LMBR1: variants seen among roughly 807,000 people sequenced by gnomAD.
The protein encoded by LMBR1 is limb region 1 protein homolog.
In LMBR1, 52 loss-of-function variants were observed where a neutral mutation model predicts 73.9. The ratio of observed to expected loss-of-function variants is 0.70; its 90% confidence interval spans 0.56 to 0.89. The LOEUF (loss-of-function observed/expected upper bound fraction) is 0.89. Among genes scored for constraint, LMBR1 ranks in the 40% least tolerant of loss-of-function variants. The probability of loss-of-function intolerance (pLI) is 0.00; values close to 1 mark genes in which losing one functional copy is unlikely to be tolerated. For missense variants in LMBR1, 539 were observed against 579.8 expected (o/e 0.93, Z 0.72); for synonymous variants, 215 against 209.4 (o/e 1.03, Z -0.23).
chr7:156,752,038 T>C (rs982051386), intron 9 of LMBR1, among the ~76,000 whole-genome samples: 1 of 152,034 alleles, frequency 6.6e-6, no homozygotes, highest in Non-Finnish European at 1.5e-5. Flanking sequence ...GTGAAGAAGT[T>C]ATAGACACAG....
At chr7:156,748,767 G>T (rs1223571022) in intron 9 of LMBR1, among the ~76,000 whole-genome samples, 1 of 152,102 alleles carries the variant, frequency 6.6e-6, no homozygotes, top group South Asian at 2.1e-4. Context: ...GGGATTACAG[G>T]CGTGAGCCAC....
At chr7:156,770,427 T>A (rs1824966881) in intron 5 of LMBR1, among the ~76,000 whole-genome samples, 1 of 152,112 alleles carries the variant, frequency 6.6e-6, no homozygotes, top group Non-Finnish European at 1.5e-5. Flanking sequence ...TAAAATACAC[T>A]AATGCAATCA....
At position 156,680,913 on chromosome 7, in the gene LMBR1, A is replaced by G. The variant is rs1804910302; in HGVS notation, c.*3165T>C. On this transcript the variant is annotated 3_prime_UTR_variant, in exon 17 of 17. Transcript: ENST00000353442. ...TTGTACAACTTTTAATTTCTAAGAC[A>G]TTTAAAAAGTCACACTAAAAGTATC... is the stretch of plus-strand genomic sequence containing the variant. 1 of 244,470 alleles carries G rather than the reference A, an allele frequency of 4.1e-6. No homozygotes were observed. Among genetic ancestry groups the G allele is most frequent in the Admixed American group, 6.1e-5 (1 of 16,312 alleles). 15.1% of individuals were successfully genotyped at this position (244,470 alleles called of 1,614,324 possible).
chr7:156,697,135 C>T (rs1419242038), intron 15 of LMBR1, among the ~76,000 whole-genome samples: 2 of 152,134 alleles, frequency 1.3e-5, no homozygotes, highest in Non-Finnish European at 2.9e-5. Context: ...TGATGCCCAC[C>T]TGAGCCTCAA....
At chr7:156,775,435 G>A (rs951549272) in intron 5 of LMBR1, among the ~76,000 whole-genome samples, 9 of 152,132 alleles carry the variant, frequency 5.9e-5, no homozygotes, top group Admixed American at 5.2e-4. Context: ...GATCACACAT[G>A]CACACATACA....
At chr7:156,753,666 A>G (rs942692675) in intron 9 of LMBR1, among the ~76,000 whole-genome samples, 3 of 152,134 alleles carry the variant, frequency 2.0e-5, no homozygotes, top group Admixed American at 6.5e-5. Context: ...TGTGCTGACC[A>G]TGATAAAGAG....
In LMBR1 at chr7:156,803,058, C is replaced by A. The variant is rs1383433195; in HGVS notation, c.320-6566G>T. Among the ~76,000 whole-genome samples the A allele has an allele frequency of 1.4e-4, 21 of 152,202 alleles. No individual in the cohort carries two copies. The East Asian group carries it at 1.5e-3, about 11-fold the overall frequency. ...AAAACCATAAAAACCCTAGAAGAAA[C>A]CCTAGGCATTACCATTCAGGACATA... On this transcript the variant is annotated intron_variant, in intron 4 of 16. Coordinates refer to ENST00000353442, the MANE Select transcript of LMBR1 (RefSeq NM_022458.4).
chr7:156,675,528 C>T (rs1803692858), downstream of LMBR1, among the ~76,000 whole-genome samples: 1 of 152,164 alleles, frequency 6.6e-6, no homozygotes, highest in South Asian at 2.1e-4. Context: ...TCCAGATTAT[C>T]TGGATTTATA....
chr7:156,893,063 G>A lies in LMBR1; in HGVS notation c.-70C>T. On this transcript the variant is annotated 5_prime_UTR_variant, in exon 1 of 17. Transcript: ENST00000353442. ...GCCACACCATCGTCCGCCCGCCGCA[G>A]GGGCTCGGACAGCCGCGCCGGGGAC... 2 of 1,392,864 alleles carry A rather than the reference G, an allele frequency of 1.4e-6. No individual in the cohort carries two copies. The highest frequency in any genetic ancestry group is 1.9e-6 in the Non-Finnish European group (2 of 1,072,000). 86.3% of individuals were successfully genotyped at this position (1,392,864 alleles called of 1,614,324 possible). A position where few individuals can be genotyped will look rare whatever the true frequency, so the allele number is the denominator to read the frequency against.
At chr7:156,812,006 G>A (rs1213718041) in intron 4 of LMBR1, among the ~76,000 whole-genome samples, 2 of 152,140 alleles carry the variant, frequency 1.3e-5, no homozygotes, top group Non-Finnish European at 2.9e-5. Context: ...GTGTGTCTGT[G>A]TCTCTGCTTT....
intron 15 of LMBR1, among the ~76,000 whole-genome samples, chr7:156,700,374 A>G (rs116971796): frequency 0.01 from 1,455 of 144,604 alleles, 12 homozygotes; most frequent in Middle Eastern, 0.035. Flanking sequence ...TGGGAACATC[A>G]CTCACCTCGG....
rs184398615 is a variant in LMBR1 at position 156,891,073 on chromosome 7, C to T, written c.66+1855G>A. On this transcript the variant is annotated intron_variant, in intron 1 of 16. Transcript: ENST00000353442. ...GGGTGTGGTGGTGTGTGCCTGTAAT[C>T]CCAGCTATTCAGGAGGCTGAGGTAG... Among the ~76,000 whole-genome samples the T allele has an allele frequency of 9.4e-4, 142 of 150,592 alleles. 2 individuals carry two copies. Among genetic ancestry groups the T allele is most frequent in the Non-Finnish European group, 1.5e-4 (10 of 67,720 alleles).
intron 1 of LMBR1, chr7:156,872,159 C>T (rs1214471961): frequency 6.6e-6 from 1 of 151,782 alleles, no homozygotes; most frequent in Non-Finnish European, 1.5e-5. Context: ...TTCCTGATAC[C>T]CTGCCATGAT....
intron 9 of LMBR1, among the ~76,000 whole-genome samples, chr7:156,753,814 A>AC (rs1225237699): frequency 6.6e-6 from 1 of 152,062 alleles, no homozygotes; most frequent in Admixed American, 6.6e-5. Context: ...TACTCCTGCC[A>AC]TGACAACAGG....
intron 8 of LMBR1, among the ~76,000 whole-genome samples, chr7:156,757,843 T>C (rs1250913098): frequency 1.3e-5 from 2 of 152,166 alleles, no homozygotes; most frequent in African/African-American, 4.8e-5. Flanking sequence ...TTTCAACAAA[T>C]CTTTACGGTC....
intron 15 of LMBR1, among the ~76,000 whole-genome samples, chr7:156,710,800 C>T (rs1811921251): frequency 6.6e-6 from 1 of 152,122 alleles, no homozygotes; most frequent in Non-Finnish European, 1.5e-5. Flanking sequence ...AAAGGAAAAT[C>T]TATCAGATTA....
chr7:156,696,169 A>G (rs1419085506), intron 15 of LMBR1, among the ~76,000 whole-genome samples: 1 of 152,238 alleles, frequency 6.6e-6, no homozygotes, highest in Non-Finnish European at 1.5e-5. Flanking sequence ...TTAGTAGATT[A>G]TGACATCAAA....
intron 3 of LMBR1, among the ~76,000 whole-genome samples, chr7:156,827,967 T>C (rs1835991721): frequency 6.6e-6 from 1 of 152,234 alleles, no homozygotes; most frequent in African/African-American, 2.4e-5. Context: ...CCGCATTTCC[T>C]GGGAAAAGCC....
intron 9 of LMBR1, among the ~76,000 whole-genome samples, chr7:156,735,869 G>GT (rs1817766853): frequency 6.6e-6 from 1 of 152,040 alleles, no homozygotes; most frequent in East Asian, 1.9e-4. Context: ...GGTTTCAACT[G>GT]TATCAGTTAG....
Sources: gnomAD v4.1 joint callset for allele counts (sites outside exome capture counted in the v4.1 genomes callset) on GRCh38, gnomAD v4.1.1 for gene constraint, MANE v1.5 for transcripts, NCBI Gene and HGNC (gene_info 2026-07-23, HGNC 2026-07-21) for gene names.